RFX4: variants seen among roughly 807,000 people sequenced by gnomAD.
RFX4 encodes the protein regulatory factor X4.
A neutral mutation model predicts 95.0 loss-of-function variants in RFX4; 10 were observed. The observed-to-expected ratio is 0.11, with a 90% CI of 0.06 to 0.18. The LOEUF is 0.18. RFX4 is among the 10% of genes least tolerant of loss of function. The pLI is 1.00. For synonymous variants in RFX4, 321 were observed against 340.7 expected, an observed-to-expected ratio of 0.94 and a Z score of 0.64; for missense variants, 640 against 922.0, an observed-to-expected ratio of 0.69 and a Z score of 3.96.
intron 4 of RFX4, among the ~76,000 whole-genome samples, chr12:106,656,096 C>T (rs926276288): frequency 2.6e-5 from 4 of 152,246 alleles, no homozygotes; most frequent in Admixed American, 2.0e-4. Context: ...TTTAAGCGCA[C>T]GCCTTCACCT....
chr12:106,736,885 T>C (rs1022700367), intron 15 of RFX4, among the ~76,000 whole-genome samples: 1 of 152,082 alleles, frequency 6.6e-6, no homozygotes, highest in African/African-American at 2.4e-5. Context: ...TAAGTCTCGT[T>C]TTCATGAAGC....
chr12:106,616,599 A>C (rs1249631983), intron 2 of RFX4, among the ~76,000 whole-genome samples: 1 of 152,108 alleles, frequency 6.6e-6, no homozygotes, highest in African/African-American at 2.4e-5. Context: ...ATTTTCTTTG[A>C]GGGAAAGTTT....
At chr12:106,652,626 T>A (rs746246091) in intron 3 of RFX4, among the ~76,000 whole-genome samples, 13 of 152,082 alleles carry the variant, frequency 8.5e-5, no homozygotes, top group Admixed American at 7.2e-4. Flanking sequence ...GGGAAGTAGA[T>A]GAGATGATCG....
chr12:106,685,332 G>A (rs2041621590), intron 5 of RFX4, among the ~76,000 whole-genome samples: 2 of 152,134 alleles, frequency 1.3e-5, no homozygotes, highest in South Asian at 2.1e-4. Flanking sequence ...AAAGCACTTG[G>A]GAGGTTCAAA....
chr12:106,594,912 C>CAA (rs1430892706), intron 1 of RFX4, among the ~76,000 whole-genome samples: 1 of 151,910 alleles, frequency 6.6e-6, no homozygotes, highest in Non-Finnish European at 1.5e-5. Context: ...AGGGGGACCC[C>CAA]AAGGGAGGAT....
Position 106,701,540 on chromosome 12 carries a change from T to C in RFX4, c.833+5094T>C, listed in dbSNP as rs546606047. Among the ~76,000 whole-genome samples, 12 of 152,300 alleles carry C rather than the reference T, an allele frequency of 7.9e-5. No homozygotes were observed. The South Asian group carries it at 1.7e-3, about 21-fold the overall frequency. ...TTGATACTGTCCCACAACTCCCGGA[T>C]GCTTGATTTTGCTTTTTCTCTACTC... On this transcript the variant is annotated intron_variant, in intron 8 of 17. Transcript: ENST00000392842.
chr12:106,680,812 C>T (rs2041490747), intron 4 of RFX4: 1 of 152,212 alleles, frequency 6.6e-6, no homozygotes, highest in South Asian at 2.1e-4. Flanking sequence ...GCACTACTGC[C>T]AGCTATTTAC....
At chr12:106,674,399 C>T (rs1592923866) in intron 4 of RFX4, among the ~76,000 whole-genome samples, 2 of 150,034 alleles carry the variant, frequency 1.3e-5, no homozygotes, top group African/African-American at 4.9e-5. Context: ...GGTGTGATCT[C>T]GGCTCACTGC....
chr12:106,691,884 C>A (rs1030448474), intron 7 of RFX4, among the ~76,000 whole-genome samples: 3 of 152,136 alleles, frequency 2.0e-5, no homozygotes, highest in Non-Finnish European at 2.9e-5. Context: ...TGAGGCCGGG[C>A]GCAGTGGCTC....
chr12:106,593,752 G>A (rs534926562), intron 1 of RFX4, among the ~76,000 whole-genome samples: 6 of 152,176 alleles, frequency 3.9e-5, no homozygotes, highest in Non-Finnish European at 5.9e-5. Flanking sequence ...TTTTCTGAAC[G>A]TGATTAGTCC....
chr12:106,583,286 T>A lies in RFX4; in HGVS notation c.-35T>A. 2.0e-6 allele frequency: 3 copies of A among 1,473,986 alleles called. No individual in the cohort carries two copies. The highest frequency in any genetic ancestry group is 2.7e-6 in the Non-Finnish European group (3 of 1,106,088). The allele number at this position is 1,473,986 out of a possible 1,614,324, so 91.3% of individuals were successfully genotyped here. A position where few individuals can be genotyped will look rare whatever the true frequency, so the allele number is the denominator to read the frequency against. On this transcript the variant is annotated 5_prime_UTR_variant, in exon 1 of 18. Coordinates refer to ENST00000392842, the MANE Select transcript of RFX4 (RefSeq NM_213594.3). ...ACAGGGGATCCCCAAACATCAGGACTTTTGGGGGGCGCCTGTGCTGTCCAT... is the reference window on the plus strand; with the variant it reads ...ACAGGGGATCCCCAAACATCAGGACATTTGGGGGGCGCCTGTGCTGTCCAT...
At chr12:106,638,136 T>C (rs2040551230) in intron 2 of RFX4, among the ~76,000 whole-genome samples, 3 of 151,938 alleles carry the variant, frequency 2.0e-5, no homozygotes, top group Admixed American at 2.0e-4. Flanking sequence ...GCCTCCTGAG[T>C]ATCTGAGATT....
intron 13 of RFX4, among the ~76,000 whole-genome samples, chr12:106,726,354 T>C (rs1247647270): frequency 6.6e-6 from 1 of 152,056 alleles, no homozygotes; most frequent in East Asian, 1.9e-4. Context: ...CTGATCTCAT[T>C]GTCCTCAGTG....
intron 9 of RFX4, among the ~76,000 whole-genome samples, 199 bp downstream of exon 9, chr12:106,709,629 T>C (rs2042154419): frequency 1.3e-5 from 2 of 149,850 alleles, no homozygotes; most frequent in Non-Finnish European, 3.0e-5. Flanking sequence ...TTTCTTCCTT[T>C]ACAGAAGAGG....
chr12:106,659,924 C>A lies in RFX4; in HGVS notation c.315+5573C>A, dbSNP rs183596209. ...CTTTGTTGCAGTCATTAGTAGTCAT[C>A]TGGTGATCTCCTAGGTGATGGAATT... On this transcript the variant is annotated intron_variant, in intron 4 of 17. Transcript: ENST00000392842. Among the ~76,000 whole-genome samples the A allele has an allele frequency of 5.4e-4, 82 of 152,306 alleles. 1 individual carries two copies. Among genetic ancestry groups the A allele is most frequent in the African/African-American group, 1.8e-3 (76 of 41,552 alleles).
intron 2 of RFX4, among the ~76,000 whole-genome samples, chr12:106,623,038 T>A (rs1271359161): frequency 3.7e-5 from 2 of 54,514 alleles, no homozygotes; most frequent in African/African-American, 2.0e-4. Flanking sequence ...AGCATTAGTC[T>A]TTTTTTTTTT....
intron 1 of RFX4, among the ~76,000 whole-genome samples, chr12:106,605,149 A>G (rs1484895096): frequency 1.3e-5 from 2 of 152,226 alleles, no homozygotes; most frequent in Non-Finnish European, 1.5e-5. Flanking sequence ...TGAGAGCTCA[A>G]TATACAGTGA....
chr12:106,603,725 C>T (rs2039762366), intron 1 of RFX4, among the ~76,000 whole-genome samples: 1 of 152,236 alleles, frequency 6.6e-6, no homozygotes, highest in South Asian at 2.1e-4. Context: ...GTCCCCAGAA[C>T]TCAGTACCAG....
intron 3 of RFX4, among the ~76,000 whole-genome samples, chr12:106,640,841 C>T (rs549817840): frequency 1.4e-5 from 2 of 140,252 alleles, no homozygotes; most frequent in South Asian, 2.3e-4. Flanking sequence ...AGTGCTGTGG[C>T]GTGATTTTGG....
Sources: gnomAD v4.1 joint callset for allele counts (sites outside exome capture counted in the v4.1 genomes callset) on GRCh38, gnomAD v4.1.1 for gene constraint, MANE v1.5 for transcripts, NCBI Gene and HGNC (gene_info 2026-07-23, HGNC 2026-07-21) for gene names.